CELF2: variants seen among roughly 807,000 people sequenced by gnomAD.
CELF2 encodes CUG triplet repeat RNA-binding protein 2.
CELF2 carries 8 observed loss-of-function variants against 62.6 expected under a neutral mutation model. That is an observed-to-expected ratio of 0.13 (90% CI 0.07 to 0.23). The LOEUF is 0.23. Among genes scored for constraint, CELF2 ranks in the 10% least tolerant of loss-of-function variants. The pLI is 1.00. For missense variants in CELF2, 333 were observed against 671.0 expected (o/e 0.50, Z 5.56); for synonymous variants, 258 against 250.0 (o/e 1.03, Z -0.30).
the CELF2 span, among the ~76,000 whole-genome samples, chr10:10,612,873 A>G: frequency 6.6e-6 from 1 of 152,224 alleles, no homozygotes; most frequent in Non-Finnish European, 1.5e-5. Flanking sequence ...AGCATTCCAT[A>G]TAGTAAGAAA....
intron 1 of CELF2, among the ~76,000 whole-genome samples, chr10:10,849,195 G>A (rs1241792772): frequency 9.3e-5 from 14 of 149,880 alleles, no homozygotes; most frequent in African/African-American, 2.7e-4. Context: ...TCAGGAGTTC[G>A]AGACCAGCCT....
At chr10:11,172,437 T>C (rs2069218326) in intron 2 of CELF2, among the ~76,000 whole-genome samples, 1 of 152,232 alleles carries the variant, frequency 6.6e-6, no homozygotes, top group Non-Finnish European at 1.5e-5. Flanking sequence ...AATTTTAAAA[T>C]ATTTTTACTG....
intron 5 of CELF2, among the ~76,000 whole-genome samples, chr10:11,258,771 C>G (rs966240140): frequency 2.0e-5 from 3 of 152,240 alleles, no homozygotes; most frequent in Non-Finnish European, 2.9e-5. Context: ...ACTGCAGCCT[C>G]CACCTCCCAG....
upstream of CELF2, among the ~76,000 whole-genome samples, chr10:10,795,655 T>G (rs1278079981): frequency 6.6e-6 from 1 of 152,156 alleles, no homozygotes; most frequent in Non-Finnish European, 1.5e-5. Flanking sequence ...AATGAAATAC[T>G]TAGGGAAAAG....
chr10:10,925,583 G>A lies in CELF2; in HGVS notation c.89+5584G>A, dbSNP rs1053357269. On this transcript the variant is annotated intron_variant, in intron 2 of 13. Transcript: ENST00000636488. ...ATAAGAGAACTAGGGAAACACTGAAGCAAACACAAAACCCAAGGGATTTCA... is the reference window on the plus strand; with the variant it reads ...ATAAGAGAACTAGGGAAACACTGAAACAAACACAAAACCCAAGGGATTTCA... Among the ~76,000 whole-genome samples the A allele has an allele frequency of 1.4e-4, 21 of 152,084 alleles. 1 individual carries two copies. Among genetic ancestry groups the A allele is most frequent in the African/African-American group, 4.8e-4 (20 of 41,406 alleles).
chr10:11,292,480 G>A (rs1454709625), intron 9 of CELF2, among the ~76,000 whole-genome samples: 7 of 152,220 alleles, frequency 4.6e-5, no homozygotes, highest in African/African-American at 1.7e-4. Flanking sequence ...TTGCATCAGA[G>A]GAGAACTTGC....
Position 11,113,848 on chromosome 10 carries a change from T to C in CELF2, c.75-51638T>C, listed in dbSNP as rs76563882. Among the ~76,000 whole-genome samples, 1,219 of 152,310 alleles carry C rather than the reference T, an allele frequency of 8.0e-3. 19 individuals are homozygous for C. The highest frequency in any genetic ancestry group is 0.027 in the African/African-American group (1,136 of 41,560). On this transcript the variant is annotated intron_variant, in intron 1 of 12. Transcript: ENST00000633077. ...GGTTCTTGATTTGACAGGTGTCATT[T>C]TCGAGGACCATCACATCTTGATTTT... is the stretch of plus-strand genomic sequence containing the variant.
At chr10:10,791,380 C>A in the CELF2 span, among the ~76,000 whole-genome samples, 2 of 151,402 alleles carry the variant, frequency 1.3e-5, no homozygotes, top group Non-Finnish European at 2.9e-5. Flanking sequence ...CTACCAATTT[C>A]CAACTTTGCC....
intron 1 of CELF2, among the ~76,000 whole-genome samples, chr10:10,839,539 C>T (rs1166489507): frequency 6.6e-6 from 1 of 152,206 alleles, no homozygotes; most frequent in Non-Finnish European, 1.5e-5. Flanking sequence ...CAGTGCAGTG[C>T]TTATGTACAG....
At chr10:11,029,950 T>G (rs1172948192) in intron 1 of CELF2, among the ~76,000 whole-genome samples, 1 of 152,256 alleles carries the variant, frequency 6.6e-6, no homozygotes, top group Non-Finnish European at 1.5e-5. Context: ...ACTTTTATCT[T>G]GCCTCTCTCT....
chr10:10,542,668 C>T, the CELF2 span, among the ~76,000 whole-genome samples: 1 of 152,220 alleles, frequency 6.6e-6, no homozygotes, highest in East Asian at 1.9e-4. Flanking sequence ...CACTCCTTCT[C>T]TGTTTCTCTG....
intron 1 of CELF2, among the ~76,000 whole-genome samples, chr10:10,872,037 A>G (rs1277438500): frequency 6.6e-6 from 1 of 152,098 alleles, no homozygotes; most frequent in Non-Finnish European, 1.5e-5. Context: ...TCCTTTAATT[A>G]CTCATTTTAG....
rs1018947123 is a variant in CELF2, at chr10:11,305,467, T to C, written c.977-8672T>C. On this transcript the variant is annotated intron_variant, in intron 9 of 12. Coordinates refer to ENST00000633077, the MANE Select transcript of CELF2 (RefSeq NM_001326342.2). This position sits in a 1 kb window ranked among gnomAD's most constrained non-coding sequence, Gnocchi z 4.8. ...TTCAAGCGCAGGAAAGACTCCAGTC[T>C]AGTTCACAGTTTGCCTGGGAGGATC... is the stretch of plus-strand genomic sequence containing the variant. Among the ~76,000 whole-genome samples the C allele has an allele frequency of 2.0e-5, 3 of 152,216 alleles. No individual in the cohort carries two copies. The highest frequency in any genetic ancestry group is 4.4e-5 in the Non-Finnish European group (3 of 68,034).
At chr10:10,541,530 T>C in the CELF2 span, among the ~76,000 whole-genome samples, 1 of 152,256 alleles carries the variant, frequency 6.6e-6, no homozygotes, top group Non-Finnish European at 1.5e-5. Context: ...GGTGGGTTAT[T>C]CATAAGTTTT....
intron 2 of CELF2, chr10:10,929,730 G>A (rs1161388670): frequency 1.3e-5 from 2 of 152,218 alleles, no homozygotes; most frequent in Non-Finnish European, 2.9e-5. Flanking sequence ...GCTTAAAACA[G>A]TGTTTGCTCT....
intron 12 of CELF2, among the ~76,000 whole-genome samples, chr10:11,327,457 G>A (rs371492412): frequency 6.6e-6 from 1 of 152,164 alleles, no homozygotes; most frequent in Non-Finnish European, 1.5e-5. Context: ...GAGCATGATG[G>A]ACTGGTTTCC....
intron 1 of CELF2, among the ~76,000 whole-genome samples, chr10:10,903,245 A>G (rs891116333): frequency 2.0e-5 from 3 of 152,196 alleles, no homozygotes; most frequent in Admixed American, 1.3e-4. Context: ...TTTGTGGGAC[A>G]TGAGGGTTCT....
At chr10:11,179,983 C>T (rs1012231566) in intron 2 of CELF2, among the ~76,000 whole-genome samples, 4 of 152,214 alleles carry the variant, frequency 2.6e-5, no homozygotes, top group Non-Finnish European at 5.9e-5. Context: ...GCCCCCTAGT[C>T]TTCTCTGTCA....
At chr10:10,664,981 A>T in the CELF2 span, among the ~76,000 whole-genome samples, 3 of 152,242 alleles carry the variant, frequency 2.0e-5, no homozygotes, top group African/African-American at 7.2e-5. Flanking sequence ...GTGTGAAGCC[A>T]CTCAACACTG....
Sources: gnomAD v4.1 joint callset for allele counts (sites outside exome capture counted in the v4.1 genomes callset) on GRCh38, gnomAD v4.1.1 for gene constraint, Gnocchi (gnomAD v3.1) non-coding constraint, MANE v1.5 for transcripts, NCBI Gene and HGNC (gene_info 2026-07-23, HGNC 2026-07-21) for gene names.